MMP12: variants seen among roughly 807,000 people sequenced by gnomAD.
MMP12 encodes matrix metallopeptidase 12, also known as macrophage metalloelastase.
In MMP12, 51 loss-of-function variants were observed where a neutral mutation model predicts 45.2. That is an observed-to-expected ratio of 1.13 (90% CI 0.90 to 1.42). The LOEUF is 1.42. MMP12 is among the 40% of genes most tolerant of loss of function. The probability of loss-of-function intolerance (pLI) is 0.00; values close to 1 mark genes in which losing one functional copy is unlikely to be tolerated. For synonymous variants in MMP12, 210 were observed against 193.3 expected, an observed-to-expected ratio of 1.09 and a Z score of -0.72; for missense variants, 530 against 570.8, an observed-to-expected ratio of 0.93 and a Z score of 0.73.
rs200263325 is a variant in MMP12, at chr11:102,865,748, G to T, written c.1205+28C>A. The T allele has an allele frequency of 2.5e-6, 4 of 1,577,304 alleles. No individual in the cohort carries two copies. The East Asian group carries it at 9.0e-5, about 36-fold the overall frequency. ...TCCATATCTGTTTCACAATCTGAGG[G>T]GTCGAATGACCAACCATTAAAACTC... On this transcript the variant is annotated intron_variant, in intron 8 of 9. Coordinates refer to ENST00000571244, the MANE Select transcript of MMP12 (RefSeq NM_002426.6). The surrounding 1 kb of genome is among the most constrained non-coding windows in gnomAD (Gnocchi z 4.1).
At position 102,868,214 on chromosome 11, in the gene MMP12, A is replaced by C. The variant is rs1194423369; in HGVS notation, c.626-145T>G. 4.2e-6 allele frequency: 3 copies of C among 712,662 alleles called. No homozygotes were observed. The East Asian group carries it at 8.1e-5, about 19-fold the overall frequency. The allele number at this position is 712,662 out of a possible 1,614,324, so 44.1% of individuals were successfully genotyped here. On this transcript the variant is annotated intron_variant, in intron 4 of 9. Transcript: ENST00000571244. ...TTGAGTTGGGTTTCTCAATCTCAGC[A>C]CTTCTGACATTACAGTTCAGTAGTC...
chr11:102,867,404 A>T lies in MMP12; in HGVS notation c.788-11T>A, dbSNP rs782368502. 6.3e-7 allele frequency: 1 copy of T among 1,598,444 alleles called. No individual in the cohort carries two copies. Among genetic ancestry groups the T allele is most frequent in the East Asian group, 2.2e-5 (1 of 44,700 alleles). ...TCTCTTTTGGGTCTCCTGAAAATAC[A>T]TTTCGAGAAGCATTAGTAAACAAAA... is the stretch of plus-strand genomic sequence containing the variant. On this transcript the variant is annotated splice_polypyrimidine_tract_variant and intron_variant, in intron 5 of 9. Transcript: ENST00000571244.
chr11:102,867,143 G>T, intron 6 of MMP12, 127 bp downstream of exon 6: 1 of 800,812 alleles, frequency 1.2e-6, no homozygotes. Context: ...ACTGCCTACA[G>T]AATCGAGTCC....
rs1859507139 is a variant in MMP12 at position 102,871,957 on chromosome 11, A to T, written c.351-5T>A. 1 of 1,600,914 alleles carries T rather than the reference A, an allele frequency of 6.2e-7. No homozygotes were observed. Among genetic ancestry groups the T allele is most frequent in the African/African-American group, 1.3e-5 (1 of 74,260 alleles). ...TCAGGTGTGTAATTATTGATTCTTT[A>T]TCAGCAAAAAGAGAGAGAAAAATGT... On this transcript the variant is annotated splice_region_variant and splice_polypyrimidine_tract_variant and intron_variant, in intron 2 of 9. Transcript: ENST00000571244.
At chr11:102,867,089 G>A (rs1314021176) in intron 6 of MMP12, among the ~76,000 whole-genome samples, 181 bp downstream of exon 6, 2 of 152,108 alleles carry the variant, frequency 1.3e-5, no homozygotes, top group African/African-American at 4.8e-5. Context: ...AAACACAAAT[G>A]TAATTACACC....
At chr11:102,874,715 C>A in intron 1 of MMP12, 121 bp downstream of exon 1, 1 of 638,484 alleles carries the variant, frequency 1.6e-6, no homozygotes, top group South Asian at 2.2e-5. Flanking sequence ...GCCTCCTAGA[C>A]CAATTTTCAG....
At chr11:102,874,040 A>AAAAAAG (rs1205051007) in intron 1 of MMP12, among the ~76,000 whole-genome samples, 1 of 150,958 alleles carries the variant, frequency 6.6e-6, no homozygotes, top group Non-Finnish European at 1.5e-5. Flanking sequence ...AAAAAAAAAA[A>AAAAAAG]AAAAAGAAAA....
chr11:102,870,135 T>A (rs1442845174), intron 4 of MMP12, among the ~76,000 whole-genome samples: 4 of 152,246 alleles, frequency 2.6e-5, no homozygotes, highest in African/African-American at 9.6e-5. Flanking sequence ...ACCTTCTCTT[T>A]GTCTTAATTT....
chr11:102,867,785 A>G, intron 5 of MMP12, 123 bp downstream of exon 5: 1 of 1,011,070 alleles, frequency 9.9e-7, no homozygotes, highest in South Asian at 1.6e-5. Context: ...CACCTGCCAC[A>G]CAGGGTTCTT....
chr11:102,872,002 TG>T, intron 2 of MMP12, 50 bp from the exon 3 acceptor site: 1 of 1,541,608 alleles, frequency 6.5e-7, no homozygotes, highest in Non-Finnish European at 8.8e-7. Flanking sequence ...AGTGTTATTT[TG>T]TCTTACCACA....
chr11:102,867,477 T>A (rs1859413606), intron 5 of MMP12, 84 bp from the exon 6 acceptor site: 1 of 1,259,918 alleles, frequency 7.9e-7, no homozygotes, highest in Non-Finnish European at 1.1e-6. Flanking sequence ...AAATACTCAA[T>A]TTTCTTAATG....
In MMP12 at chr11:102,864,168, A is replaced by G; in HGVS notation, c.1290T>C (p.Asp430=). 1.2e-6 allele frequency: 2 copies of G among 1,612,826 alleles called. No individual in the cohort carries two copies. The highest frequency in any genetic ancestry group is 2.2e-5 in the South Asian group (2 of 91,036). ...TACTGTTTTTAGAGTAGAAGACTGCATCAATTTTAGGCCCGATTCCTTGGA... is the reference window on the plus strand; with the variant it reads ...TACTGTTTTTAGAGTAGAAGACTGCGTCAATTTTAGGCCCGATTCCTTGGA... ...KNFQGIGPKI[D]AVFYSKNKYY... The change falls in exon 9 of 10, where the codon GAT becomes GAC. Residue 430 remains aspartate, a synonymous_variant. Transcript: ENST00000571244.
At chr11:102,866,033 T>A (rs1345666197) in intron 7 of MMP12, 98 bp from the exon 8 acceptor site, 1 of 988,582 alleles carries the variant, frequency 1.0e-6, no homozygotes, top group Admixed American at 2.9e-5. Context: ...TTCCAACAGT[T>A]ATAATATTTA....
At position 102,868,020 on chromosome 11, in the gene MMP12, AC is replaced by A; in HGVS notation, c.674del (p.Gly225ValfsTer11). The A allele has an allele frequency of 5.6e-6, 9 of 1,604,950 alleles. No homozygotes were observed. Among genetic ancestry groups the A allele is most frequent in the Non-Finnish European group, 7.7e-6 (9 of 1,175,698 alleles). The stretch of plus-strand genomic sequence containing the variant: ...CCTTTGGATCACTAGAATGGCCAAG[AC>A]CTAAGGAATGGCCAATCTCGTGAAC... The part of the protein sequence containing the change: ...TAVHEIGHSL[G>X]LGHSSDPKAV... On this transcript the variant is annotated frameshift_variant, in exon 5 of 10. Transcript: ENST00000571244. LOFTEE classifies it high-confidence loss of function.
intron 5 of MMP12, among the ~76,000 whole-genome samples, chr11:102,867,665 T>C (rs1393496845): frequency 1.3e-5 from 2 of 152,156 alleles, no homozygotes; most frequent in African/African-American, 4.8e-5. Context: ...GGCAATGGTA[T>C]CTTGGATAGA....
intron 9 of MMP12, among the ~76,000 whole-genome samples, chr11:102,863,657 T>C (rs944282120): frequency 1.3e-5 from 2 of 152,104 alleles, no homozygotes; most frequent in Admixed American, 6.5e-5. Context: ...CCATGAACAG[T>C]TGCTTAGGCT....
intron 1 of MMP12, among the ~76,000 whole-genome samples, chr11:102,873,363 G>A (rs1240908014): frequency 1.3e-5 from 2 of 152,140 alleles, no homozygotes; most frequent in Non-Finnish European, 2.9e-5. Context: ...ATTTCGGGAG[G>A]CTGAGGCAGG....
chr11:102,866,422 C>A lies in MMP12; in HGVS notation c.938G>T (p.Arg313Ile). The A allele has an allele frequency of 6.2e-7, 1 of 1,610,500 alleles. No homozygotes were observed. Among genetic ancestry groups the A allele is most frequent in the African/African-American group, 1.3e-5 (1 of 74,974 alleles). The change falls in exon 7 of 10, where the codon AGA becomes ATA. Residue 313 changes from arginine to isoleucine, a missense_variant. Physicochemically the swap from Arg to Ile is moderately conservative, Grantham distance 97 (BLOSUM62 -3). Transcript: ENST00000571244. ...DRFFWLKVSE[R>I]PKTSVNLISS... is the part of the protein sequence containing the mutation. ...AATTAAATTAACACTGGTCTTTGGT[C>A]TCTCAGAAACCTTCAGCCAGAAGAA... is the stretch of plus-strand genomic sequence containing the variant.
intron 6 of MMP12, 37 bp from the exon 7 acceptor site, chr11:102,866,485 A>G: frequency 6.2e-7 from 1 of 1,601,934 alleles, no homozygotes; most frequent in Middle Eastern, 1.7e-4. Context: ...TTAAAAGACA[A>G]TGTAGACTCA....
Sources: allele counts gnomAD v4.1 joint callset (sites outside exome capture counted in the v4.1 genomes callset), GRCh38; gene constraint gnomAD v4.1.1; non-coding constraint Gnocchi (gnomAD v3.1); transcripts MANE v1.5; gene names NCBI Gene and HGNC (gene_info 2026-07-23, HGNC 2026-07-21).